The following AURKA variants were observed in gnomAD, a reference collection of about 807,000 sequenced individuals.
The protein encoded by AURKA is aurora 2.
Under a neutral mutation model 40.9 loss-of-function variants are expected in AURKA, and 12 were observed. The observed-to-expected ratio is 0.29, with a 90% CI of 0.19 to 0.48. AURKA has a LOEUF of 0.48. Ranked by LOEUF, AURKA falls within the 20% of genes least tolerant of loss-of-function variation. The pLI, the probability that AURKA is intolerant of heterozygous loss-of-function variation, is 0.99. For synonymous variants in AURKA, 170 were observed against 164.3 expected (o/e 1.03, Z -0.26); for missense variants, 322 against 462.1 (o/e 0.70, Z 2.78).
At position 56,386,737 on chromosome 20, in the gene AURKA, C is replaced by G. The variant is rs114418893; in HGVS notation, c.43-204G>C. On this transcript the variant is annotated intron_variant, in intron 2 of 8. Coordinates refer to ENST00000395915, the MANE Select transcript of AURKA (RefSeq NM_198437.3). Reference sequence around the variant, plus strand: ...AATACCTGAATGATACCTTCTATCCCCTCCAATTCCTCACCCCTAAAAATC... The same window carrying G: ...AATACCTGAATGATACCTTCTATCCGCTCCAATTCCTCACCCCTAAAAATC... Among the ~76,000 whole-genome samples, 572 of 152,192 alleles carry G rather than the reference C, an allele frequency of 3.8e-3. 5 individuals are homozygous for G. Among genetic ancestry groups the G allele is most frequent in the African/African-American group, 0.013 (539 of 41,498 alleles).
intron 3 of AURKA, 40 bp downstream of exon 3, chr20:56,386,217 C>G: frequency 6.2e-7 from 1 of 1,613,446 alleles, no homozygotes; most frequent in African/African-American, 1.3e-5. Flanking sequence ...GCAACGACGA[C>G]AAAGAAGGAC....
intron 4 of AURKA, among the ~76,000 whole-genome samples, chr20:56,383,441 C>G (rs1418954370): frequency 6.6e-6 from 1 of 152,182 alleles, no homozygotes; most frequent in African/African-American, 2.4e-5. Flanking sequence ...GGAAATGTCC[C>G]AAGCCCGTAC....
At chr20:56,390,355 G>A (rs1986924075) in intron 1 of AURKA, among the ~76,000 whole-genome samples, 1 of 149,042 alleles carries the variant, frequency 6.7e-6, no homozygotes, top group African/African-American at 2.5e-5. Context: ...TGCCCAGGCT[G>A]GAGTGCAATG....
intron 2 of AURKA, among the ~76,000 whole-genome samples, chr20:56,386,896 T>C (rs1269552687): frequency 6.6e-6 from 1 of 151,972 alleles, no homozygotes; most frequent in East Asian, 1.9e-4. Context: ...CTCAGTTCCA[T>C]TGAAATTTCT....
At position 56,392,032 on chromosome 20, in the gene AURKA, C is replaced by A. The variant is rs1015224911; in HGVS notation, c.-6+136G>T. 1.9e-4 allele frequency: 29 copies of A among 152,294 alleles called. 1 individual carries two copies. Among genetic ancestry groups the A allele is most frequent in the African/African-American group, 6.3e-4 (26 of 41,558 alleles). The allele number at this position is 152,294 out of a possible 1,614,324, so 9.4% of individuals were successfully genotyped here. On this transcript the variant is annotated intron_variant, in intron 1 of 8. Transcript: ENST00000395915. ...AAGGCGCTGGGCGGGCACAAGGCAGCGCCAAGGACACTCAGGGACGGAGGA... is the reference window on the plus strand; with the variant it reads ...AAGGCGCTGGGCGGGCACAAGGCAGAGCCAAGGACACTCAGGGACGGAGGA...
rs190756821 is a variant in AURKA, at chr20:56,372,737, T to G, written c.854+671A>C. 1.1e-4 allele frequency among the ~76,000 whole-genome samples: 16 copies of G among 152,312 alleles called. No individual in the cohort carries two copies. In the East Asian group the frequency reaches 3.1e-3, roughly 29 times the overall value. On this transcript the variant is annotated intron_variant, in intron 7 of 8. Coordinates refer to ENST00000395915, the MANE Select transcript of AURKA (RefSeq NM_198437.3). The stretch of plus-strand genomic sequence containing the variant: ...GTTGACAAAACTTCATCGGTAGATA[T>G]ATGTTTTAAAATGCCCCACTTCATG...
At chr20:56,374,016 T>TAC (rs11467339) in intron 6 of AURKA, among the ~76,000 whole-genome samples, 6,252 of 147,538 alleles carry the variant, frequency 0.042, 139 homozygotes, top group African/African-American at 0.071. Context: ...TATAGGAGTC[T>TAC]ACACACACAC....
At chr20:56,371,475 A>AT (rs571006652) in intron 7 of AURKA, among the ~76,000 whole-genome samples, 4 of 150,768 alleles carry the variant, frequency 2.7e-5, no homozygotes, top group South Asian at 2.1e-4. Flanking sequence ...AAAAAAAAAA[A>AT]TTTTCTTAAC....
intron 1 of AURKA, chr20:56,390,573 C>G (rs752728260): frequency 2.6e-5 from 4 of 152,076 alleles, no homozygotes; most frequent in African/African-American, 4.8e-5. Flanking sequence ...TCCGAAAATG[C>G]TGGGATTACG....
intron 4 of AURKA, among the ~76,000 whole-genome samples, 164 bp from the exon 5 acceptor site, chr20:56,383,340 C>T (rs1350922768): frequency 2.0e-5 from 3 of 152,196 alleles, no homozygotes; most frequent in Non-Finnish European, 4.4e-5. Context: ...AGAGCTGCCA[C>T]GACATGAAAC....
chr20:56,384,733 G>A (rs532077645), intron 3 of AURKA, among the ~76,000 whole-genome samples: 2 of 151,970 alleles, frequency 1.3e-5, no homozygotes, highest in Non-Finnish European at 2.9e-5. Flanking sequence ...CCCTACATAC[G>A]AATTATCACC....
At chr20:56,376,839 G>T (rs897616441) in intron 6 of AURKA, among the ~76,000 whole-genome samples, 7 of 152,186 alleles carry the variant, frequency 4.6e-5, no homozygotes, top group African/African-American at 1.7e-4. Flanking sequence ...CAACACTCTG[G>T]GAGGCCGAGG....
At chr20:56,382,398 T>C (rs977087493) in intron 5 of AURKA, among the ~76,000 whole-genome samples, 2 of 152,084 alleles carry the variant, frequency 1.3e-5, no homozygotes, top group Admixed American at 1.3e-4. Flanking sequence ...CCAGGCCTGA[T>C]GTGGCCAGAC....
intron 6 of AURKA, among the ~76,000 whole-genome samples, chr20:56,374,852 G>A (rs897280322): frequency 1.2e-4 from 18 of 152,088 alleles, no homozygotes; most frequent in African/African-American, 3.6e-4. Context: ...GTTCGAGACC[G>A]GCCTGACCAA....
chr20:56,379,082 C>T (rs931169881), intron 6 of AURKA, among the ~76,000 whole-genome samples: 1 of 151,970 alleles, frequency 6.6e-6, no homozygotes, highest in East Asian at 1.9e-4. Flanking sequence ...ACAAAAAAAT[C>T]TCATTGCATT....
chr20:56,385,730 G>C (rs1411955423), intron 3 of AURKA, among the ~76,000 whole-genome samples: 1 of 152,066 alleles, frequency 6.6e-6, no homozygotes, highest in Non-Finnish European at 1.5e-5. Flanking sequence ...CAAAGCGCTG[G>C]GATTACAGGC....
At chr20:56,370,927 A>G (rs1379271597) in intron 7 of AURKA, among the ~76,000 whole-genome samples, 1 of 152,228 alleles carries the variant, frequency 6.6e-6, no homozygotes, top group African/African-American at 2.4e-5. Context: ...TGAATGTATC[A>G]CTACCATATA....
At chr20:56,371,032 G>A (rs78810345) in intron 7 of AURKA, among the ~76,000 whole-genome samples, 37 of 152,290 alleles carry the variant, frequency 2.4e-4, no homozygotes, top group South Asian at 4.1e-4. Flanking sequence ...AAGCCTGGTC[G>A]CAATGACAAT....
chr20:56,383,311 A>G, intron 4 of AURKA, 135 bp from the exon 5 acceptor site: 1 of 945,306 alleles, frequency 1.1e-6, no homozygotes, highest in East Asian at 2.6e-5. Context: ...GCAAGAACCA[A>G]GGCAATAACC....
Sources: allele counts gnomAD v4.1 joint callset (sites outside exome capture counted in the v4.1 genomes callset), GRCh38; gene constraint gnomAD v4.1.1; transcripts MANE v1.5; gene names NCBI Gene and HGNC (gene_info 2026-07-23, HGNC 2026-07-21).